UBE2O: variants seen among roughly 807,000 people sequenced by gnomAD.
UBE2O encodes (E3-independent) E2 ubiquitin-conjugating enzyme.
In UBE2O, 15 loss-of-function variants were observed where a neutral mutation model predicts 125.8. The observed-to-expected ratio is 0.12, with a 90% CI of 0.08 to 0.18. The LOEUF is 0.18. Among genes scored for constraint, UBE2O ranks in the 10% least tolerant of loss-of-function variants. The pLI is 1.00. For missense variants in UBE2O, 1,280 were observed against 1,723.6 expected (o/e 0.74, Z 4.56); for synonymous variants, 708 against 703.2 (o/e 1.01, Z -0.11).
intron 15 of UBE2O, among the ~76,000 whole-genome samples, chr17:76,393,770 G>A (rs1484847599): frequency 2.6e-5 from 4 of 152,132 alleles, no homozygotes; most frequent in Non-Finnish European, 5.9e-5. Flanking sequence ...ATCTATTTGC[G>A]TGCATCTGTG....
At chr17:76,414,884 AAAAAAGACAAG>A (rs2072574742) in intron 1 of UBE2O, among the ~76,000 whole-genome samples, 2 of 152,166 alleles carry the variant, frequency 1.3e-5, no homozygotes, top group Admixed American at 1.3e-4. Context: ...ACCTGGCTTA[AAAAAAGACAAG>A]AACAGCCCAG....
At chr17:76,427,190 A>G (rs1327984045) in intron 1 of UBE2O, among the ~76,000 whole-genome samples, 1 of 152,040 alleles carries the variant, frequency 6.6e-6, no homozygotes, top group Non-Finnish European at 1.5e-5. Context: ...CCTCACAAGC[A>G]TCTCTTTTAT....
At chr17:76,392,485 G>A (rs1030082023) in intron 15 of UBE2O, among the ~76,000 whole-genome samples, 1 of 151,948 alleles carries the variant, frequency 6.6e-6, no homozygotes, top group Admixed American at 6.6e-5. Context: ...GGTTGGTCTC[G>A]AACTCCTGGG....
In UBE2O at chr17:76,390,818, G is replaced by T; in HGVS notation, c.*125C>A. The T allele has an allele frequency of 1.1e-6, 1 of 947,310 alleles. No homozygotes were observed. Among genetic ancestry groups the T allele is most frequent in the South Asian group, 1.7e-5 (1 of 58,130 alleles). 58.7% of individuals were successfully genotyped at this position (947,310 alleles called of 1,614,324 possible). A position where few individuals can be genotyped will look rare whatever the true frequency, so the allele number is the denominator to read the frequency against. On this transcript the variant is annotated 3_prime_UTR_variant, in exon 18 of 18. Transcript: ENST00000319380. ...ACTTCAGCATCAAACTCACCTTGGG[G>T]AGAAGAGGGCAGTGGGTTTGCAGTG...
At chr17:76,407,577 A>G (rs2143741403) in intron 1 of UBE2O, among the ~76,000 whole-genome samples, 1 of 152,318 alleles carries the variant, frequency 6.6e-6, no homozygotes, top group South Asian at 2.1e-4. Flanking sequence ...GCAGCCAGGA[A>G]AGGAGGAGAG....
At chr17:76,449,634 T>G (rs1028371476) in intron 1 of UBE2O, among the ~76,000 whole-genome samples, 3 of 151,790 alleles carry the variant, frequency 2.0e-5, no homozygotes, top group Admixed American at 6.6e-5. Context: ...AAAAATAAGT[T>G]TCGGGCGGGT....
Position 76,398,726 on chromosome 17 carries a change from TG to T in UBE2O, c.1783+110del. The T allele has an allele frequency of 6.7e-7, 1 of 1,499,982 alleles. No homozygotes were observed. The highest frequency in any genetic ancestry group is 9.1e-7 in the Non-Finnish European group (1 of 1,098,966). The allele number at this position is 1,499,982 out of a possible 1,614,324, so 92.9% of individuals were successfully genotyped here. On this transcript the variant is annotated intron_variant, in intron 10 of 17. Coordinates refer to ENST00000319380, the MANE Select transcript of UBE2O (RefSeq NM_022066.4). This position sits in a 1 kb window ranked among gnomAD's most constrained non-coding sequence, Gnocchi z 5.4. ...CCCCTTCATGAGGGCAGTCCCCTTC[TG>T]GACCTCATTTTAGCTCTGACCCCAG... is the stretch of plus-strand genomic sequence containing the variant.
In UBE2O at chr17:76,396,877, C is replaced by T. The variant is rs2072220014; in HGVS notation, c.2116-56G>A. ...CAGACAGGAAGTCACCTCCCCACCACTAAGGAGGAGCTCTGGGGATCCCTG... is the reference window on the plus strand; with the variant it reads ...CAGACAGGAAGTCACCTCCCCACCATTAAGGAGGAGCTCTGGGGATCCCTG... On this transcript the variant is annotated intron_variant, in intron 13 of 17. Transcript: ENST00000319380. This position sits in a 1 kb window ranked among gnomAD's most constrained non-coding sequence, Gnocchi z 6.7. 1 of 1,459,870 alleles carries T rather than the reference C, an allele frequency of 6.8e-7. No homozygotes were observed. The highest frequency in any genetic ancestry group is 9.3e-7 in the Non-Finnish European group (1 of 1,079,234). 90.4% of individuals were successfully genotyped at this position (1,459,870 alleles called of 1,614,324 possible).
chr17:76,406,491 G>A (rs1265695219), intron 1 of UBE2O, among the ~76,000 whole-genome samples: 1 of 151,828 alleles, frequency 6.6e-6, no homozygotes, highest in Admixed American at 6.6e-5. Flanking sequence ...GCACTGAGAG[G>A]TCACCACCAA....
intron 1 of UBE2O, among the ~76,000 whole-genome samples, chr17:76,447,225 C>T (rs1306051157): frequency 1.3e-5 from 2 of 152,212 alleles, no homozygotes; most frequent in Non-Finnish European, 2.9e-5. Flanking sequence ...GAATCCTGAA[C>T]TTAAGTATTC....
At chr17:76,444,797 T>G (rs1464152559) in intron 1 of UBE2O, among the ~76,000 whole-genome samples, 1 of 152,188 alleles carries the variant, frequency 6.6e-6, no homozygotes, top group Admixed American at 6.5e-5. Flanking sequence ...TCATCAACCT[T>G]CAGGGCCCTC....
chr17:76,401,963 A>G lies in UBE2O; in HGVS notation c.750+101T>C, dbSNP rs79975658. 128 of 1,275,878 alleles carry G rather than the reference A, an allele frequency of 1.0e-4. 1 individual carries two copies. In the East Asian group the frequency reaches 3.0e-3, roughly 30 times the overall value. The allele number at this position is 1,275,878 out of a possible 1,614,324, so 79.0% of individuals were successfully genotyped here. ...GGCGCGCACCCGCCCCTTTTCTAGG[A>G]AACCGCTCTGTTTAGCTGGGTCCAG... On this transcript the variant is annotated intron_variant, in intron 5 of 17. Coordinates refer to ENST00000319380, the MANE Select transcript of UBE2O (RefSeq NM_022066.4).
intron 1 of UBE2O, among the ~76,000 whole-genome samples, chr17:76,416,133 G>A (rs537127754): frequency 1.5e-4 from 22 of 150,832 alleles, no homozygotes; most frequent in Middle Eastern, 6.9e-3. Context: ...ATATATGTGC[G>A]TGTATAGATA....
chr17:76,442,466 A>G (rs1039066849), intron 1 of UBE2O, among the ~76,000 whole-genome samples: 3 of 152,216 alleles, frequency 2.0e-5, no homozygotes, highest in Admixed American at 2.0e-4. Flanking sequence ...ATTTGTAGTA[A>G]GTGGGAGGGA....
chr17:76,407,975 C>A (rs185729469), intron 1 of UBE2O, among the ~76,000 whole-genome samples: 118 of 152,332 alleles, frequency 7.7e-4, no homozygotes, highest in Admixed American at 2.9e-3. Flanking sequence ...ATGGTGGCTA[C>A]ACTCCCTTCC....
Position 76,410,741 on chromosome 17 carries a change from C to T in UBE2O, c.418-5169G>A, listed in dbSNP as rs140175779. Among the ~76,000 whole-genome samples, 43 of 127,630 alleles carry T rather than the reference C, an allele frequency of 3.4e-4. No individual in the cohort carries two copies. Among genetic ancestry groups the T allele is most frequent in the East Asian group, 2.2e-3 (9 of 4,186 alleles). The allele number at this position is 127,630 out of a possible 152,430, so 83.7% of individuals were successfully genotyped here. ...GCATTCAGGAGCCGGGGAAGCTCAC[C>T]GGGGGCCTCTCCTGCCAGGAGCACT... On this transcript the variant is annotated intron_variant, in intron 1 of 17. Coordinates refer to ENST00000319380, the MANE Select transcript of UBE2O (RefSeq NM_022066.4). The surrounding 1 kb of genome is among the most constrained non-coding windows in gnomAD (Gnocchi z 4.0).
Position 76,398,971 on chromosome 17 carries a change from G to C in UBE2O, c.1649C>G (p.Thr550Ser), listed in dbSNP as rs1486693455. The C allele has an allele frequency of 3.7e-6, 6 of 1,613,890 alleles. No individual in the cohort carries two copies. Among genetic ancestry groups the C allele is most frequent in the African/African-American group, 2.7e-5 (2 of 74,914 alleles). Residue 550 changes from threonine (T) to serine (S), a missense_variant, in exon 10 of 18, where the codon ACC (threonine) becomes AGC (serine). Transcript: ENST00000319380. This position sits in a 1 kb window ranked among gnomAD's most constrained non-coding sequence, Gnocchi z 5.4. Reference protein sequence around the residue: ...PGDRVAVEVVTTMTSADVMWQ... With the variant: ...PGDRVAVEVVSTMTSADVMWQ... ...CATCACGTCGGCTGAGGTCATCGTG[G>C]TCACCACCTCCACTGCCACCCTGCG...
Position 76,399,355 on chromosome 17 carries a change from G to T in UBE2O, c.1628+94C>A. The stretch of plus-strand genomic sequence containing the variant: ...GAGCCACTACAAGGCATGCAGAGGT[G>T]TGTGTGCGAGCGCAGGCACGCACAC... On this transcript the variant is annotated intron_variant, in intron 9 of 17. Coordinates refer to ENST00000319380, the MANE Select transcript of UBE2O (RefSeq NM_022066.4). This position sits in a 1 kb window ranked among gnomAD's most constrained non-coding sequence, Gnocchi z 6.9. 8.0e-7 allele frequency: 1 copy of T among 1,244,878 alleles called. No homozygotes were observed. The highest frequency in any genetic ancestry group is 1.1e-6 in the Non-Finnish European group (1 of 872,228). The allele number at this position is 1,244,878 out of a possible 1,614,324, so 77.1% of individuals were successfully genotyped here.
rs77352655 is a variant in UBE2O at position 76,446,465 on chromosome 17, A to C, written c.417+6260T>G. Among the ~76,000 whole-genome samples the C allele has an allele frequency of 5.3e-5, 8 of 151,638 alleles. No individual in the cohort carries two copies. The East Asian group carries it at 1.4e-3, about 26-fold the overall frequency. On this transcript the variant is annotated intron_variant, in intron 1 of 17. Transcript: ENST00000319380. ...AAAATGAAAAAACAAAAACAAACAA[A>C]AAAAAAAACCAAACAAACAAAACAG... is the stretch of plus-strand genomic sequence containing the variant.
Sources: gnomAD v4.1 joint callset for allele counts (sites outside exome capture counted in the v4.1 genomes callset) on GRCh38, gnomAD v4.1.1 for gene constraint, Gnocchi (gnomAD v3.1) non-coding constraint, MANE v1.5 for transcripts, NCBI Gene and HGNC (gene_info 2026-07-23, HGNC 2026-07-21) for gene names.